Variants in C2orf69 observed in about 807,000 individuals in gnomAD.
C2orf69 encodes the protein mitochondrial protein C2orf69.
Under a neutral mutation model 29.5 loss-of-function variants are expected in C2orf69, and 19 were observed. The ratio of observed to expected loss-of-function variants is 0.65; its 90% CI spans 0.45 to 0.95. The LOEUF is 0.95. C2orf69 is among the 40% of genes least tolerant of loss of function. The probability of loss-of-function intolerance (pLI) is 0.00; values close to 1 mark genes in which losing one functional copy is unlikely to be tolerated. For synonymous variants in C2orf69, 194 were observed against 180.0 expected (o/e 1.08, Z -0.62); for missense variants, 416 against 482.1 (o/e 0.86, Z 1.28).
chr2:199,913,637 A>G (rs1048851496), intron 1 of C2orf69, among the ~76,000 whole-genome samples: 1 of 147,164 alleles, frequency 6.8e-6, no homozygotes. Flanking sequence ...AAACTGGAGA[A>G]AAAAAAAGAG....
At chr2:199,922,923 T>C (rs2077322585) in intron 1 of C2orf69, among the ~76,000 whole-genome samples, 1 of 152,194 alleles carries the variant, frequency 6.6e-6, no homozygotes, top group African/African-American at 2.4e-5. Context: ...TGTGGTGTCT[T>C]AAAAAGCCTG....
intron 1 of C2orf69, among the ~76,000 whole-genome samples, chr2:199,923,244 CT>C: frequency 6.6e-6 from 1 of 152,198 alleles, no homozygotes; most frequent in Non-Finnish European, 1.5e-5. Flanking sequence ...TTCCGTTGTA[CT>C]TACCAACATC....
At chr2:199,913,481 A>AAT (rs369894062) in intron 1 of C2orf69, among the ~76,000 whole-genome samples, 86,125 of 104,536 alleles carry the variant, frequency 0.82, 35,646 homozygotes, top group Middle Eastern at 0.92. Context: ...TATTATATAA[A>AAT]ATATATATTA....
intron 1 of C2orf69, among the ~76,000 whole-genome samples, chr2:199,916,725 A>T (rs1190006524): frequency 6.6e-6 from 1 of 152,192 alleles, no homozygotes; most frequent in Non-Finnish European, 1.5e-5. Flanking sequence ...CTTTAACTCC[A>T]TGTCTCATAT....
rs2077335237 is a variant in C2orf69, at chr2:199,926,400, T to C, written c.*514T>C. ...GTAAACTCCTTGACTCATTCTTTCA[T>C]GTGTCACCAAGTACTTTTCTCATGA... is the stretch of plus-strand genomic sequence containing the variant. On this transcript the variant is annotated 3_prime_UTR_variant, in exon 2 of 2. Coordinates refer to ENST00000319974, the MANE Select transcript of C2orf69 (RefSeq NM_153689.6). 1 of 156,086 alleles carries C rather than the reference T, an allele frequency of 6.4e-6. No homozygotes were observed. Among genetic ancestry groups the C allele is most frequent in the African/African-American group, 2.4e-5 (1 of 41,486 alleles). The allele number at this position is 156,086 out of a possible 1,614,324, so 9.7% of individuals were successfully genotyped here.
intron 1 of C2orf69, among the ~76,000 whole-genome samples, chr2:199,915,314 G>T (rs1481298757): frequency 6.6e-6 from 1 of 151,986 alleles, no homozygotes; most frequent in Non-Finnish European, 1.5e-5. Flanking sequence ...GAGAGACAGG[G>T]TCTCACTATG....
intron 1 of C2orf69, among the ~76,000 whole-genome samples, chr2:199,919,468 C>T (rs966742229): frequency 6.6e-6 from 1 of 152,168 alleles, no homozygotes; most frequent in Admixed American, 6.5e-5. Flanking sequence ...TCAGGCAGCT[C>T]TCTTAGGCTG....
intron 1 of C2orf69, among the ~76,000 whole-genome samples, chr2:199,921,383 T>C (rs1488329686): frequency 6.6e-6 from 1 of 152,048 alleles, no homozygotes; most frequent in African/African-American, 2.4e-5. Flanking sequence ...TTGAACATCA[T>C]AGTGGGAAAA....
intron 1 of C2orf69, among the ~76,000 whole-genome samples, chr2:199,915,360 C>T (rs1559292911): frequency 6.6e-6 from 1 of 152,188 alleles, no homozygotes; most frequent in African/African-American, 2.4e-5. Context: ...CCTCCTGCCT[C>T]AGCCTTTTAA....
rs189048055 is a variant in C2orf69, at chr2:199,922,521, A to G, written c.334-2541A>G. ...GAAGCAGAAATAAATATCCTTATAC[A>G]TATTTATTTATGCATATATGTAAGT... On this transcript the variant is annotated intron_variant, in intron 1 of 1. Transcript: ENST00000319974. Among the ~76,000 whole-genome samples, 12 of 152,296 alleles carry G rather than the reference A, an allele frequency of 7.9e-5. No individual in the cohort carries two copies. The East Asian group carries it at 1.9e-3, about 24-fold the overall frequency.
intron 1 of C2orf69, among the ~76,000 whole-genome samples, chr2:199,915,616 C>T (rs1473602009): frequency 6.6e-6 from 1 of 151,660 alleles, no homozygotes; most frequent in African/African-American, 2.4e-5. Flanking sequence ...AAGCGATTCT[C>T]CTGCCTCAGC....
chr2:199,918,164 G>T (rs886662841), intron 1 of C2orf69, among the ~76,000 whole-genome samples: 3 of 152,150 alleles, frequency 2.0e-5, no homozygotes, highest in African/African-American at 7.2e-5. Flanking sequence ...TGAGATTTTG[G>T]TGGGGACACA....
chr2:199,913,241 T>G (rs1353511597), intron 1 of C2orf69, among the ~76,000 whole-genome samples: 2 of 31,142 alleles, frequency 6.4e-5, no homozygotes, highest in Admixed American at 4.9e-4. Context: ...ATAATATATA[T>G]AATATATATT....
In C2orf69 at chr2:199,911,670, G is replaced by A. The variant is rs560995925; in HGVS notation, c.232G>A (p.Gly78Arg). The change falls in exon 1 of 2, where the codon GGG becomes AGG. Residue 78 changes from glycine to arginine, a missense_variant. Coordinates refer to ENST00000319974, the MANE Select transcript of C2orf69 (RefSeq NM_153689.6). ...SNELLLLAAA[G>R]EGLERQDLPG... is the part of the protein sequence containing the mutation. ...CGAATTGCTCCTGTTGGCGGCGGCCGGGGAGGGACTGGAGCGGCAGGACCT... is the reference window on the plus strand; with the variant it reads ...CGAATTGCTCCTGTTGGCGGCGGCCAGGGAGGGACTGGAGCGGCAGGACCT... The A allele has an allele frequency of 7.1e-6, 11 of 1,548,066 alleles. No individual in the cohort carries two copies. In the Admixed American group the frequency reaches 9.8e-5, roughly 14 times the overall value.
intron 1 of C2orf69, among the ~76,000 whole-genome samples, chr2:199,913,220 T>A (rs1312585131): frequency 3.9e-5 from 3 of 76,146 alleles, no homozygotes; most frequent in South Asian, 4.2e-4. Context: ...ATATTATATA[T>A]AATATATATT....
rs57970244 is a variant in C2orf69, at chr2:199,927,308, T to TAAAAAAAAAAA, written c.*1432_*1442dup. On this transcript the variant is annotated 3_prime_UTR_variant, in exon 2 of 2. Coordinates refer to ENST00000319974, the MANE Select transcript of C2orf69 (RefSeq NM_153689.6). ...GGGAAGTAACATGCTGCTTTAGGAC[T>TAAAAAAAAAAA]AAAAAAAAAAAAAAAAAAAAGACAC... 2.6e-5 allele frequency: 3 copies of TAAAAAAAAAAA among 115,502 alleles called. No individual in the cohort carries two copies. The highest frequency in any genetic ancestry group is 3.6e-5 in the Non-Finnish European group (2 of 55,942). 7.2% of individuals were successfully genotyped at this position (115,502 alleles called of 1,614,324 possible). A position where few individuals can be genotyped will look rare whatever the true frequency, so the allele number is the denominator to read the frequency against.
At chr2:199,921,775 A>G (rs1219620972) in intron 1 of C2orf69, among the ~76,000 whole-genome samples, 2 of 151,674 alleles carry the variant, frequency 1.3e-5, no homozygotes. Context: ...GTATATGTGT[A>G]TGCTAGAGAA....
At chr2:199,920,127 A>G (rs2077310238) in intron 1 of C2orf69, among the ~76,000 whole-genome samples, 1 of 151,696 alleles carries the variant, frequency 6.6e-6, no homozygotes, top group Admixed American at 6.6e-5. Flanking sequence ...TAGGATGAAA[A>G]CTCTCTTGAA....
At chr2:199,922,360 C>T (rs1270975209) in intron 1 of C2orf69, among the ~76,000 whole-genome samples, 1 of 152,048 alleles carries the variant, frequency 6.6e-6, no homozygotes, top group African/African-American at 2.4e-5. Context: ...GCCCAAAGTG[C>T]TGAGATTATA....
Sources: allele counts gnomAD v4.1 joint callset (sites outside exome capture counted in the v4.1 genomes callset), GRCh38; gene constraint gnomAD v4.1.1; transcripts MANE v1.5; gene names NCBI Gene and HGNC (gene_info 2026-07-23, HGNC 2026-07-21).